Variants in PLGRKT observed in about 807,000 individuals in gnomAD.
The protein encoded by PLGRKT is plasminogen receptor with a C-terminal lysine, also known as plasminogen receptor (KT).
PLGRKT carries 22 observed loss-of-function variants against 18.5 expected under a neutral mutation model. That is an observed-to-expected ratio of 1.19 (90% CI 0.85 to 1.70). The LOEUF (loss-of-function observed/expected upper bound fraction) is 1.70. Among genes scored for constraint, PLGRKT ranks in the 40% most tolerant of loss-of-function variants. The pLI, the probability that PLGRKT is intolerant of heterozygous loss-of-function variation, is 0.00. For missense variants in PLGRKT, 235 were observed against 174.4 expected, an observed-to-expected ratio of 1.35 and a Z score of -1.96; for synonymous variants, 72 against 52.8, an observed-to-expected ratio of 1.36 and a Z score of -1.58.
chr9:5,368,197 G>C (rs892950115), intron 3 of PLGRKT, among the ~76,000 whole-genome samples: 6 of 152,116 alleles, frequency 3.9e-5, no homozygotes, highest in African/African-American at 1.4e-4. Flanking sequence ...ACTTAAAACA[G>C]AATGACCATT....
intron 3 of PLGRKT, among the ~76,000 whole-genome samples, chr9:5,401,589 G>A (rs1218304011): frequency 6.6e-6 from 1 of 151,774 alleles, no homozygotes; most frequent in Non-Finnish European, 1.5e-5. Flanking sequence ...CATTTTTTAA[G>A]CAGAGCCTTC....
At chr9:5,406,837 A>C (rs1224598563) in intron 3 of PLGRKT, among the ~76,000 whole-genome samples, 3 of 152,192 alleles carry the variant, frequency 2.0e-5, no homozygotes, top group Non-Finnish European at 4.4e-5. Flanking sequence ...ACCACTATAG[A>C]ATTCATCCAT....
chr9:5,380,578 C>A (rs936094230), intron 3 of PLGRKT, among the ~76,000 whole-genome samples: 1 of 152,040 alleles, frequency 6.6e-6, no homozygotes, highest in African/African-American at 2.4e-5. Context: ...AAGTGCTTCA[C>A]CCCCTAAACA....
intron 5 of PLGRKT, among the ~76,000 whole-genome samples, chr9:5,359,041 C>T (rs1473479804): frequency 1.3e-5 from 2 of 150,172 alleles, no homozygotes; most frequent in African/African-American, 2.5e-5. Context: ...TCTGTGAGTA[C>T]TCCTCTTTTA....
rs186032520 is a variant in PLGRKT, at chr9:5,425,370, C to G, written c.81+6527G>C. Among the ~76,000 whole-genome samples the G allele has an allele frequency of 9.2e-5, 14 of 152,214 alleles. No homozygotes were observed. The East Asian group carries it at 2.7e-3, about 29-fold the overall frequency. On this transcript the variant is annotated intron_variant, in intron 3 of 5. Transcript: ENST00000223864. ...TATCATTATAACTAGTAGCATGAAT[C>G]CTCTCCATCACAATTTGAACCAAAG... is the stretch of plus-strand genomic sequence containing the variant.
intron 3 of PLGRKT, among the ~76,000 whole-genome samples, chr9:5,396,915 A>C (rs1243179786): frequency 6.6e-6 from 1 of 152,026 alleles, no homozygotes; most frequent in Non-Finnish European, 1.5e-5. Context: ...GAAGAATCAC[A>C]ACATGATTCT....
intron 2 of PLGRKT, among the ~76,000 whole-genome samples, chr9:5,432,503 C>G (rs1045580391): frequency 6.6e-6 from 1 of 151,856 alleles, no homozygotes; most frequent in East Asian, 1.9e-4. Flanking sequence ...CTCCCTCCCC[C>G]TCCCCCTCCC....
Position 5,358,035 on chromosome 9 carries a change from G to A in PLGRKT, c.*204C>T, listed in dbSNP as rs1817176646. On this transcript the variant is annotated 3_prime_UTR_variant, in exon 6 of 6. Coordinates refer to ENST00000223864, the MANE Select transcript of PLGRKT (RefSeq NM_018465.4). ...ATATTGGTAATGCACACAGAGAGAG[G>A]AAATCTAAAAGTTATTTAGAGCACC... The A allele has an allele frequency of 4.7e-6, 2 of 424,374 alleles. No individual in the cohort carries two copies. Among genetic ancestry groups the A allele is most frequent in the Non-Finnish European group, 4.2e-6 (1 of 239,846 alleles). 26.3% of individuals were successfully genotyped at this position (424,374 alleles called of 1,614,324 possible). A position where few individuals can be genotyped will look rare whatever the true frequency, so the allele number is the denominator to read the frequency against.
intron 3 of PLGRKT, among the ~76,000 whole-genome samples, chr9:5,394,281 T>C (rs953749968): frequency 6.6e-6 from 1 of 151,794 alleles, no homozygotes; most frequent in Non-Finnish European, 1.5e-5. Context: ...GGCAGACATA[T>C]TTACTAGTTT....
At chr9:5,367,067 A>ACACC (rs1286566339) in intron 3 of PLGRKT, among the ~76,000 whole-genome samples, 20 of 138,958 alleles carry the variant, frequency 1.4e-4, no homozygotes, top group African/African-American at 3.6e-4. Flanking sequence ...ACACACACAC[A>ACACC]CCCCTAGGAA....
At chr9:5,432,013 T>C (rs1459580257) in intron 2 of PLGRKT, 30 bp from the exon 3 acceptor site, 5 of 930,882 alleles carry the variant, frequency 5.4e-6, no homozygotes, top group Non-Finnish European at 7.1e-6. Context: ...AGGAGACTTA[T>C]AATAATACAC....
In PLGRKT at chr9:5,418,171, G is replaced by A. The variant is rs1818499946; in HGVS notation, c.81+13726C>T. Among the ~76,000 whole-genome samples, 1 of 152,154 alleles carries A rather than the reference G, an allele frequency of 6.6e-6. No individual in the cohort carries two copies. Among genetic ancestry groups the A allele is most frequent in the Non-Finnish European group, 1.5e-5 (1 of 68,030 alleles). ...AAAGCTGTTGCCATCAGTACTCAGA[G>A]CAAGTTGCCTGGTATCTTGTTGAGA... On this transcript the variant is annotated intron_variant, in intron 3 of 5. Coordinates refer to ENST00000223864, the MANE Select transcript of PLGRKT (RefSeq NM_018465.4). The surrounding 1 kb of genome is among the most constrained non-coding windows in gnomAD (Gnocchi z 4.2).
intron 3 of PLGRKT, among the ~76,000 whole-genome samples, chr9:5,378,884 T>C (rs1235260324): frequency 6.6e-6 from 1 of 152,192 alleles, no homozygotes; most frequent in Non-Finnish European, 1.5e-5. Context: ...AATATGTGTG[T>C]ATCTGTATAG....
At position 5,435,690 on chromosome 9, in the gene PLGRKT, T is replaced by C. The variant is rs368267194; in HGVS notation, c.-7+879A>G. ...GTGGGTACAGAAGACCTTGAGTTAG[T>C]TGGTTGCATTTCAGAATACTGCAAA... is the stretch of plus-strand genomic sequence containing the variant. On this transcript the variant is annotated intron_variant, in intron 2 of 5. Transcript: ENST00000223864. Among the ~76,000 whole-genome samples the C allele has an allele frequency of 2.6e-5, 4 of 152,236 alleles. No homozygotes were observed. The East Asian group carries it at 5.8e-4, about 22-fold the overall frequency.
intron 3 of PLGRKT, among the ~76,000 whole-genome samples, chr9:5,402,988 G>T (rs191451301): frequency 6.6e-6 from 1 of 151,834 alleles, no homozygotes; most frequent in African/African-American, 2.4e-5. Flanking sequence ...TTATAGAACA[G>T]ACCAAACCCT....
intron 3 of PLGRKT, among the ~76,000 whole-genome samples, chr9:5,409,770 C>T (rs1818327687): frequency 1.3e-5 from 2 of 152,234 alleles, no homozygotes; most frequent in Non-Finnish European, 2.9e-5. Context: ...AATGACTGCC[C>T]TGCTGGGTTT....
chr9:5,375,011 A>T (rs188170273), intron 3 of PLGRKT, among the ~76,000 whole-genome samples: 3 of 152,252 alleles, frequency 2.0e-5, no homozygotes, highest in Admixed American at 2.0e-4. Context: ...CCCTGTAGAC[A>T]CTCACCACGC....
intron 3 of PLGRKT, among the ~76,000 whole-genome samples, chr9:5,401,371 A>G (rs1247153381): frequency 6.6e-6 from 1 of 152,016 alleles, no homozygotes; most frequent in African/African-American, 2.4e-5. Flanking sequence ...TTTGTCTAAC[A>G]CTATTTTGTT....
intron 3 of PLGRKT, among the ~76,000 whole-genome samples, chr9:5,385,743 G>A (rs1200774181): frequency 6.6e-6 from 1 of 151,808 alleles, no homozygotes; most frequent in Non-Finnish European, 1.5e-5. Flanking sequence ...CTATTTTTGA[G>A]AGGCAATTCT....
Sources: gnomAD v4.1 joint callset for allele counts (sites outside exome capture counted in the v4.1 genomes callset) on GRCh38, gnomAD v4.1.1 for gene constraint, Gnocchi (gnomAD v3.1) non-coding constraint, MANE v1.5 for transcripts, NCBI Gene and HGNC (gene_info 2026-07-23, HGNC 2026-07-21) for gene names.